LYPD6: variants seen among roughly 807,000 people sequenced by gnomAD.
The protein encoded by LYPD6 is ly6/PLAUR domain-containing protein 6.
In LYPD6, 15 loss-of-function variants were observed where a neutral mutation model predicts 22.7. The ratio of observed to expected loss-of-function variants is 0.66; its 90% confidence interval spans 0.44 to 1.02. LYPD6 has a LOEUF of 1.02. LYPD6 is among the 50% of genes least tolerant of loss of function. The pLI is 0.00. For missense variants in LYPD6, 189 were observed against 208.4 expected, an observed-to-expected ratio of 0.91 and a Z score of 0.57; for synonymous variants, 72 against 77.5, an observed-to-expected ratio of 0.93 and a Z score of 0.37.
intron 2 of LYPD6, among the ~76,000 whole-genome samples, chr2:149,438,298 A>G (rs1442022185): frequency 6.6e-6 from 1 of 152,190 alleles, no homozygotes; most frequent in East Asian, 1.9e-4. Context: ...TATCTAGGGA[A>G]TGCTTAATAA....
chr2:149,436,156 T>C (rs978883900), intron 1 of LYPD6, among the ~76,000 whole-genome samples: 3 of 152,234 alleles, frequency 2.0e-5, no homozygotes, highest in African/African-American at 7.2e-5. Context: ...TTGGGTCGTA[T>C]TGATTTTCTG....
chr2:149,362,585 TTAC>T (rs1681591894), intron 1 of LYPD6, among the ~76,000 whole-genome samples: 1 of 152,152 alleles, frequency 6.6e-6, no homozygotes. Flanking sequence ...CAATATAAGT[TTAC>T]TTGTTTCATG....
rs145240109 is a variant in LYPD6 at position 149,394,897 on chromosome 2, C to T, written c.-71-42741C>T. Among the ~76,000 whole-genome samples, 5 of 152,242 alleles carry T rather than the reference C, an allele frequency of 3.3e-5. No individual in the cohort carries two copies. In the East Asian group the frequency reaches 9.6e-4, roughly 29 times the overall value. ...TTCTACAAAAAGTCACCCTCCAAAG[C>T]GGTATTTGTCATGTGCCCAGGATCC... On this transcript the variant is annotated intron_variant, in intron 1 of 4. Coordinates refer to ENST00000334166, the MANE Select transcript of LYPD6 (RefSeq NM_194317.5).
At chr2:149,398,946 G>A (rs1305474021) in intron 1 of LYPD6, among the ~76,000 whole-genome samples, 1 of 152,174 alleles carries the variant, frequency 6.6e-6, no homozygotes, top group African/African-American at 2.4e-5. Flanking sequence ...AAATTGCTAA[G>A]AGATTACCTC....
chr2:149,405,047 C>A (rs558456142), intron 1 of LYPD6, among the ~76,000 whole-genome samples: 2 of 152,064 alleles, frequency 1.3e-5, no homozygotes, highest in Admixed American at 6.5e-5. Flanking sequence ...TATTAATTTG[C>A]GTATATTGAA....
intron 2 of LYPD6, among the ~76,000 whole-genome samples, chr2:149,438,548 G>C (rs1683487007): frequency 6.6e-6 from 1 of 152,228 alleles, no homozygotes. Flanking sequence ...GTTGTATTGT[G>C]TATATTCTGA....
At chr2:149,467,693 G>A (rs528586094) in intron 3 of LYPD6, among the ~76,000 whole-genome samples, 1 of 152,152 alleles carries the variant, frequency 6.6e-6, no homozygotes, top group African/African-American at 2.4e-5. Flanking sequence ...TCCAAGATGT[G>A]GATGAAAAAC....
chr2:149,350,070 A>T (rs1022778539), intron 1 of LYPD6, among the ~76,000 whole-genome samples: 1 of 152,206 alleles, frequency 6.6e-6, no homozygotes, highest in African/African-American at 2.4e-5. Flanking sequence ...TTACATTTTT[A>T]AAAAGGAAAA....
At chr2:149,449,753 T>G (rs1683767469) in intron 3 of LYPD6, among the ~76,000 whole-genome samples, 1 of 152,226 alleles carries the variant, frequency 6.6e-6, no homozygotes, top group Non-Finnish European at 1.5e-5. Context: ...GATGGTTATA[T>G]TTGGCTACAG....
At chr2:149,410,519 T>G (rs959905208) in intron 1 of LYPD6, among the ~76,000 whole-genome samples, 7 of 151,714 alleles carry the variant, frequency 4.6e-5, no homozygotes, top group African/African-American at 1.7e-4. Context: ...GGAAAACAAA[T>G]GAGGTTGTTT....
intron 1 of LYPD6, among the ~76,000 whole-genome samples, chr2:149,431,709 C>T (rs932330612): frequency 1.3e-5 from 2 of 151,802 alleles, no homozygotes; most frequent in Non-Finnish European, 2.9e-5. Context: ...TTTTTTAGTC[C>T]TGTGTCGGTT....
chr2:149,446,741 CTTGTCTTTTTTAGACTGTTTATGACTT>C (rs1461312755), intron 2 of LYPD6, among the ~76,000 whole-genome samples: 2 of 152,162 alleles, frequency 1.3e-5, no homozygotes, highest in Non-Finnish European at 2.9e-5. Flanking sequence ...GTTCCGATTA[CTTGTCTTTTTTAGACTGTTTATGACTT>C]TTGATCATGA....
intron 1 of LYPD6, among the ~76,000 whole-genome samples, chr2:149,421,666 A>G (rs967864484): frequency 6.6e-6 from 1 of 152,096 alleles, no homozygotes; most frequent in Non-Finnish European, 1.5e-5. Flanking sequence ...CATGTAACCA[A>G]TGTATTTTAT....
chr2:149,462,777 T>A (rs1681114805), intron 3 of LYPD6, among the ~76,000 whole-genome samples: 1 of 151,890 alleles, frequency 6.6e-6, no homozygotes, highest in South Asian at 2.1e-4. Flanking sequence ...TTAACAAAGG[T>A]GTAAAAGCAA....
At chr2:149,467,908 C>T (rs1428231016) in intron 3 of LYPD6, among the ~76,000 whole-genome samples, 1 of 152,002 alleles carries the variant, frequency 6.6e-6, no homozygotes, top group Non-Finnish European at 1.5e-5. Flanking sequence ...CTCAAGCTTT[C>T]AGATTCATTA....
chr2:149,362,193 G>C (rs1197759624), intron 1 of LYPD6, among the ~76,000 whole-genome samples: 1 of 152,146 alleles, frequency 6.6e-6, no homozygotes. Context: ...TGTTACAGCA[G>C]CAATAGGAAA....
intron 1 of LYPD6, among the ~76,000 whole-genome samples, chr2:149,415,563 A>G (rs1389964283): frequency 1.3e-5 from 2 of 152,120 alleles, no homozygotes; most frequent in Admixed American, 6.5e-5. Flanking sequence ...TTGGAGAGCT[A>G]TCAGACTGCA....
At chr2:149,402,901 C>A (rs1171013853) in intron 1 of LYPD6, among the ~76,000 whole-genome samples, 8 of 142,160 alleles carry the variant, frequency 5.6e-5, no homozygotes, top group Non-Finnish European at 4.6e-5. Context: ...GCACAACAGT[C>A]CCCAAAGTGT....
At chr2:149,373,614 G>A (rs1048254913) in intron 1 of LYPD6, among the ~76,000 whole-genome samples, 1 of 152,094 alleles carries the variant, frequency 6.6e-6, no homozygotes, top group African/African-American at 2.4e-5. Context: ...GGTGAGTGTT[G>A]TTGAGGAGTC....
Sources: gnomAD v4.1 joint callset for allele counts (sites outside exome capture counted in the v4.1 genomes callset) on GRCh38, gnomAD v4.1.1 for gene constraint, MANE v1.5 for transcripts, NCBI Gene and HGNC (gene_info 2026-07-23, HGNC 2026-07-21) for gene names.